Variants in CDH20 observed in about 807,000 individuals in gnomAD.
The protein encoded by CDH20 is cadherin-20.
Under a neutral mutation model 74.2 loss-of-function variants are expected in CDH20, and 29 were observed. The ratio of observed to expected loss-of-function variants is 0.39; its 90% confidence interval spans 0.29 to 0.53. The LOEUF (loss-of-function observed/expected upper bound fraction) is 0.53, where lower values mean the gene tolerates loss of function less well. Ranked by LOEUF, CDH20 falls within the 20% of genes least tolerant of loss-of-function variation. CDH20 has a pLI of 0.69. For synonymous variants in CDH20, 469 were observed against 405.4 expected, an observed-to-expected ratio of 1.16 and a Z score of -1.88; for missense variants, 988 against 1,048.3, an observed-to-expected ratio of 0.94 and a Z score of 0.79.
intron 6 of CDH20, among the ~76,000 whole-genome samples, chr18:61,517,346 T>C (rs763946640): frequency 2.0e-5 from 3 of 152,190 alleles, no homozygotes; most frequent in Non-Finnish European, 2.9e-5. Flanking sequence ...GTGAGATCAA[T>C]GCAGAAGGCA....
chr18:61,407,429 G>A (rs1214397635), intron 1 of CDH20, among the ~76,000 whole-genome samples: 2 of 152,230 alleles, frequency 1.3e-5, no homozygotes, highest in East Asian at 3.9e-4. Flanking sequence ...GGTTGGGGTG[G>A]GGGAAGTCCT....
chr18:61,418,632 CT>C (rs1912779422), intron 1 of CDH20, among the ~76,000 whole-genome samples: 1 of 151,470 alleles, frequency 6.6e-6, no homozygotes, highest in Non-Finnish European at 1.5e-5. Context: ...CATTTCTCCC[CT>C]GGACCAATAA....
chr18:61,452,603 G>T (rs1909431146), intron 1 of CDH20, among the ~76,000 whole-genome samples: 1 of 152,114 alleles, frequency 6.6e-6, no homozygotes, highest in Non-Finnish European at 1.5e-5. Flanking sequence ...ATACAAACAG[G>T]TATAAATAAG....
chr18:61,469,845 G>A (rs754661676), intron 1 of CDH20, among the ~76,000 whole-genome samples: 38 of 152,166 alleles, frequency 2.5e-4, no homozygotes, highest in Middle Eastern at 3.4e-3. Flanking sequence ...TTACTACACC[G>A]AACACGGGGA....
intron 1 of CDH20, among the ~76,000 whole-genome samples, chr18:61,472,202 C>A (rs1327209777): frequency 6.6e-6 from 1 of 152,038 alleles, no homozygotes. Context: ...CTGCTAATCA[C>A]CTAACTTAAG....
At position 61,499,340 on chromosome 18, in the gene CDH20, C is replaced by T; in HGVS notation, c.401C>T (p.Ala134Val). 1 of 1,614,090 alleles carries T rather than the reference C, an allele frequency of 6.2e-7. No homozygotes were observed. Among genetic ancestry groups the T allele is most frequent in the Non-Finnish European group, 8.5e-7 (1 of 1,179,982 alleles). Residue 134 changes from alanine to valine, a missense_variant, in exon 3 of 12, where the codon GCT (alanine) becomes GTT (valine). Ala to Val is a moderately conservative substitution (Grantham distance 64). Around this residue, in one of 2 missense-constraint regions of CDH20, gnomAD observed 613 missense variants for 755.2 expected, o/e 0.81. Transcript: ENST00000262717. ...GAAAGAGCCCAGTATACTCTAAGGG[C>T]TCAAGCCCTAGACAGGCGGACGGGC... ...REERAQYTLRAQALDRRTGRP... is the reference protein window; with the variant it reads ...REERAQYTLRVQALDRRTGRP...
chr18:61,406,582 ACT>A (rs935699105), intron 1 of CDH20, among the ~76,000 whole-genome samples: 4 of 152,328 alleles, frequency 2.6e-5, no homozygotes, highest in Non-Finnish European at 4.4e-5. Flanking sequence ...TGTATGAAAC[ACT>A]CTGCAAGATA....
chr18:61,390,718 T>A (rs1425623623), intron 1 of CDH20, among the ~76,000 whole-genome samples: 1 of 152,144 alleles, frequency 6.6e-6, no homozygotes, highest in African/African-American at 2.4e-5. Context: ...GCATTTCTAA[T>A]CAGGGAAGGA....
At chr18:61,405,406 C>G (rs1041533571) in intron 1 of CDH20, among the ~76,000 whole-genome samples, 3 of 151,990 alleles carry the variant, frequency 2.0e-5, no homozygotes, top group Non-Finnish European at 2.9e-5. Context: ...GGCAATATAC[C>G]AAGACCCCCA....
Position 61,555,717 on chromosome 18 carries a change from A to G in CDH20, c.*1022A>G. On this transcript the variant is annotated 3_prime_UTR_variant, in exon 12 of 12. Transcript: ENST00000262717. ...TATTTGTTAATAATTTTGGTAATAAATATGATGTACTGCATCTCAGTACCT... is the reference window on the plus strand; with the variant it reads ...TATTTGTTAATAATTTTGGTAATAAGTATGATGTACTGCATCTCAGTACCT... The G allele has an allele frequency of 1.0e-6, 1 of 960,972 alleles. No individual in the cohort carries two copies. Among genetic ancestry groups the G allele is most frequent in the South Asian group, 4.8e-5 (1 of 20,776 alleles). 59.5% of individuals were successfully genotyped at this position (960,972 alleles called of 1,614,324 possible). A position where few individuals can be genotyped will look rare whatever the true frequency, so the allele number is the denominator to read the frequency against.
intron 1 of CDH20, among the ~76,000 whole-genome samples, chr18:61,347,220 G>A (rs1449668675): frequency 6.7e-6 from 1 of 148,698 alleles, no homozygotes; most frequent in Non-Finnish European, 1.5e-5. Context: ...AGGGCAGGGT[G>A]GGTAGATCAC....
At chr18:61,418,508 C>A (rs1217237809) in intron 1 of CDH20, among the ~76,000 whole-genome samples, 1 of 141,892 alleles carries the variant, frequency 7.0e-6, no homozygotes, top group Non-Finnish European at 1.5e-5. Flanking sequence ...GAGCCAAGAT[C>A]GCGCCACTGC....
At chr18:61,337,991 TATAAC>T (rs1347859595) in intron 1 of CDH20, among the ~76,000 whole-genome samples, 1 of 152,234 alleles carries the variant, frequency 6.6e-6, no homozygotes, top group African/African-American at 2.4e-5. Flanking sequence ...AACATAACTG[TATAAC>T]ATAAGGTCAT....
chr18:61,551,027 A>G (rs1285168995), intron 11 of CDH20, among the ~76,000 whole-genome samples: 1 of 152,208 alleles, frequency 6.6e-6, no homozygotes, highest in Non-Finnish European at 1.5e-5. Flanking sequence ...TGCTGAAGAA[A>G]TAAGGACATA....
intron 1 of CDH20, among the ~76,000 whole-genome samples, chr18:61,345,370 G>A (rs148385498): frequency 4.6e-5 from 7 of 152,298 alleles, no homozygotes; most frequent in African/African-American, 1.7e-4. Flanking sequence ...GAGGCAGGAG[G>A]CTTTGCTGGG....
chr18:61,375,422 T>C (rs952368352), intron 1 of CDH20, among the ~76,000 whole-genome samples: 1 of 152,204 alleles, frequency 6.6e-6, no homozygotes, highest in Admixed American at 6.5e-5. Flanking sequence ...TCTTGGCTTA[T>C]ACAGACGATC....
intron 1 of CDH20, among the ~76,000 whole-genome samples, chr18:61,432,963 C>T (rs960297749): frequency 2.0e-5 from 3 of 152,078 alleles, no homozygotes; most frequent in African/African-American, 4.8e-5. Flanking sequence ...AAAAAACATA[C>T]ACCACATACA....
intron 1 of CDH20, among the ~76,000 whole-genome samples, chr18:61,471,149 G>C (rs1166895578): frequency 3.3e-5 from 5 of 152,184 alleles, no homozygotes; most frequent in African/African-American, 4.8e-5. Context: ...TGAAAAAAAT[G>C]TGACTTTTTC....
At chr18:61,472,942 GT>G (rs1386495402) in intron 1 of CDH20, among the ~76,000 whole-genome samples, 1 of 152,226 alleles carries the variant, frequency 6.6e-6, no homozygotes, top group African/African-American at 2.4e-5. Flanking sequence ...ATTAGGACGG[GT>G]TGTGTACACA....
Sources: allele counts gnomAD v4.1 joint callset (sites outside exome capture counted in the v4.1 genomes callset), GRCh38; gene constraint gnomAD v4.1.1; regional missense constraint gnomAD v4.1.1; transcripts MANE v1.5; gene names NCBI Gene and HGNC (gene_info 2026-07-23, HGNC 2026-07-21).